RAB38: variants seen among roughly 807,000 people sequenced by gnomAD.
RAB38 encodes the protein ras-related protein Rab-38.
A neutral mutation model predicts 18.4 loss-of-function variants in RAB38; 15 were observed. The ratio of observed to expected loss-of-function variants is 0.82; its 90% CI spans 0.55 to 1.26. The LOEUF (loss-of-function observed/expected upper bound fraction) is 1.26, where lower values mean the gene tolerates loss of function less well. RAB38 is among the 50% of genes most tolerant of loss of function. The pLI is 0.00. For synonymous variants in RAB38, 101 were observed against 104.4 expected (o/e 0.97, Z 0.20); for missense variants, 294 against 267.4 (o/e 1.10, Z -0.69).
At chr11:87,952,787 T>TACATGTTTGTCTGATTATAACAATA in the RAB38 span, among the ~76,000 whole-genome samples, 1 of 152,180 alleles carries the variant, frequency 6.6e-6, no homozygotes, top group Non-Finnish European at 1.5e-5. Flanking sequence ...TTTTGTCTTT[T>TACATGTTTGTCTGATTATAACAATA]ACATGTTTGT....
At chr11:88,004,048 A>T in the RAB38 span, among the ~76,000 whole-genome samples, 3 of 141,412 alleles carry the variant, frequency 2.1e-5, no homozygotes, top group Middle Eastern at 4.1e-3. Flanking sequence ...TATATGGGAG[A>T]AGGTATATAT....
At chr11:87,929,084 C>T in the RAB38 span, among the ~76,000 whole-genome samples, 5 of 151,966 alleles carry the variant, frequency 3.3e-5, no homozygotes, top group Admixed American at 3.3e-4. Context: ...CACTGCCCTC[C>T]AGCCTGGGCA....
At chr11:87,915,977 TGTTA>T in the RAB38 span, among the ~76,000 whole-genome samples, 3 of 152,134 alleles carry the variant, frequency 2.0e-5, no homozygotes, top group Non-Finnish European at 4.4e-5. Flanking sequence ...TGGGGCCTGT[TGTTA>T]GTTTCTTTTG....
intron 2 of RAB38, among the ~76,000 whole-genome samples, chr11:88,128,925 G>A (rs1942735815): frequency 6.6e-6 from 1 of 152,196 alleles, no homozygotes; most frequent in Non-Finnish European, 1.5e-5. Flanking sequence ...AGGAGAGGAA[G>A]AGGAATGGTT....
chr11:87,966,387 G>A, the RAB38 span, among the ~76,000 whole-genome samples: 1 of 152,132 alleles, frequency 6.6e-6, no homozygotes, highest in Non-Finnish European at 1.5e-5. Context: ...CTAGGAGATG[G>A]AAACACTGGG....
the RAB38 span, among the ~76,000 whole-genome samples, chr11:87,839,467 G>A: frequency 6.6e-6 from 1 of 152,142 alleles, no homozygotes; most frequent in African/African-American, 2.4e-5. Flanking sequence ...TAGGTCACCT[G>A]ACTTTTCAGT....
At chr11:88,147,276 G>T (rs987713856) in intron 2 of RAB38, among the ~76,000 whole-genome samples, 4 of 152,070 alleles carry the variant, frequency 2.6e-5, no homozygotes, top group African/African-American at 9.7e-5. Flanking sequence ...CATGTAACAG[G>T]TATTTGATAA....
chr11:88,060,748 C>T, the RAB38 span, among the ~76,000 whole-genome samples: 1 of 152,152 alleles, frequency 6.6e-6, no homozygotes, highest in South Asian at 2.1e-4. Context: ...CCAGTAGCAC[C>T]ACCCCCAGTT....
At chr11:87,804,021 A>G in the RAB38 span, among the ~76,000 whole-genome samples, 2 of 152,044 alleles carry the variant, frequency 1.3e-5, no homozygotes, top group East Asian at 1.9e-4. Flanking sequence ...CCAGGTCTGA[A>G]TTTTTCACTC....
the RAB38 span, among the ~76,000 whole-genome samples, chr11:87,910,024 A>G: frequency 3.7e-3 from 570 of 152,232 alleles, 2 homozygotes; most frequent in Middle Eastern, 0.014. Context: ...TGTTTCTGCC[A>G]GTAATATATA....
the RAB38 span, among the ~76,000 whole-genome samples, chr11:88,029,230 T>C: frequency 2.3e-4 from 35 of 151,648 alleles, no homozygotes; most frequent in Admixed American, 1.3e-3. Context: ...CTGAAGGAAG[T>C]GCTAAACATT....
At chr11:88,046,907 A>G in the RAB38 span, among the ~76,000 whole-genome samples, 1 of 152,036 alleles carries the variant, frequency 6.6e-6, no homozygotes, top group East Asian at 1.9e-4. Flanking sequence ...TTATCCCAAC[A>G]CTTCATTACC....
chr11:88,053,534 A>G, the RAB38 span, among the ~76,000 whole-genome samples: 1 of 150,632 alleles, frequency 6.6e-6, no homozygotes, highest in African/African-American at 2.4e-5. Context: ...GTCCTGGAAA[A>G]TTATCAGATG....
chr11:87,976,815 T>A, the RAB38 span, among the ~76,000 whole-genome samples: 3 of 117,898 alleles, frequency 2.5e-5, no homozygotes, highest in African/African-American at 1.0e-4. Context: ...ATATTATATA[T>A]TATACAATGT....
chr11:87,946,520 C>A, the RAB38 span, among the ~76,000 whole-genome samples: 4 of 152,092 alleles, frequency 2.6e-5, no homozygotes, highest in African/African-American at 7.2e-5. Flanking sequence ...AGGCGTATCT[C>A]CTAATGCTAT....
the RAB38 span, chr11:88,098,620 A>C: frequency 6.6e-6 from 1 of 151,978 alleles, no homozygotes; most frequent in Non-Finnish European, 1.5e-5. Context: ...TTTTAATGCA[A>C]CATAACTTTT....
chr11:88,098,283 G>A, the RAB38 span: 1 of 151,970 alleles, frequency 6.6e-6, no homozygotes, highest in South Asian at 2.1e-4. Flanking sequence ...GTCAGAACAG[G>A]ATTTGAATTC....
chr11:87,891,065 A>G, the RAB38 span, among the ~76,000 whole-genome samples: 1 of 151,988 alleles, frequency 6.6e-6, no homozygotes. Flanking sequence ...AGGTTGGTTC[A>G]CAATACATTC....
At chr11:88,124,306 G>C (rs1942665646) in intron 2 of RAB38, among the ~76,000 whole-genome samples, 2 of 152,146 alleles carry the variant, frequency 1.3e-5, no homozygotes, top group South Asian at 4.1e-4. Context: ...CTTCTGCACA[G>C]CAAAAGAAAC....
Sources: gnomAD v4.1 joint callset for allele counts (sites outside exome capture counted in the v4.1 genomes callset) on GRCh38, gnomAD v4.1.1 for gene constraint, MANE v1.5 for transcripts, NCBI Gene and HGNC (gene_info 2026-07-23, HGNC 2026-07-21) for gene names.